The following HTR2A variants were observed in gnomAD, a reference collection of about 807,000 sequenced individuals.
HTR2A encodes the protein 5-hydroxytryptamine receptor 2A.
A neutral mutation model predicts 31.0 loss-of-function variants in HTR2A; 14 were observed. The ratio of observed to expected loss-of-function variants is 0.45; its 90% CI spans 0.30 to 0.71. The LOEUF is 0.71. HTR2A is among the 30% of genes least tolerant of loss of function. The pLI is 0.09. For synonymous variants in HTR2A, 209 were observed against 225.2 expected (o/e 0.93, Z 0.64); for missense variants, 442 against 573.3 (o/e 0.77, Z 2.34).
In HTR2A at chr13:46,896,169, A is replaced by C; in HGVS notation, c.-263T>G. Reference sequence around the variant, plus strand: ...TTTTCTCACCAAACCGAGGACAAAAAAGCAGAATGAACTTTTAGCATAGAG... The same window carrying C: ...TTTTCTCACCAAACCGAGGACAAAACAGCAGAATGAACTTTTAGCATAGAG... On this transcript the variant is annotated 5_prime_UTR_variant, in exon 2 of 4. Transcript: ENST00000542664. 8.3e-7 allele frequency: 1 copy of C among 1,206,834 alleles called. No individual in the cohort carries two copies. The highest frequency in any genetic ancestry group is 1.0e-6 in the Non-Finnish European group (1 of 972,476). The allele number at this position is 1,206,834 out of a possible 1,614,324, so 74.8% of individuals were successfully genotyped here. A position where few individuals can be genotyped will look rare whatever the true frequency, so the allele number is the denominator to read the frequency against.
chr13:46,835,276 C>G lies in HTR2A; in HGVS notation c.977G>C (p.Gly326Ala). The G allele has an allele frequency of 6.2e-7, 1 of 1,614,078 alleles. No individual in the cohort carries two copies. Among genetic ancestry groups the G allele is most frequent in the Non-Finnish European group, 8.5e-7 (1 of 1,179,998 alleles). Residue 326 changes from glycine (G) to alanine (A), a missense_variant, in exon 4 of 4, where the codon GGC (glycine) becomes GCC (alanine). Around this residue, in one of 5 missense-constraint regions of HTR2A, gnomAD observed 174 missense variants for 195.1 expected, o/e 0.89. Coordinates refer to ENST00000542664, the MANE Select transcript of HTR2A (RefSeq NM_000621.5). ...SNEQKACKVL[G>A]IVFFLFVVMW... is the part of the protein sequence containing the mutation. ...CACCACAAACAGGAAGAAGACGATGCCCAGCACCTTGCATGCCTTTTGCTC... is the reference window on the plus strand; with the variant it reads ...CACCACAAACAGGAAGAAGACGATGGCCAGCACCTTGCATGCCTTTTGCTC...
At chr13:46,866,185 G>A (rs1950816957) in intron 3 of HTR2A, among the ~76,000 whole-genome samples, 1 of 152,148 alleles carries the variant, frequency 6.6e-6, no homozygotes, top group African/African-American at 2.4e-5. Context: ...GACAATTCCT[G>A]TTTATAGGGT....
chr13:46,881,809 G>C (rs368336726), intron 3 of HTR2A, among the ~76,000 whole-genome samples: 1 of 152,272 alleles, frequency 6.6e-6, no homozygotes, highest in African/African-American at 2.4e-5. Context: ...TCAGGCTGTG[G>C]GGCTGGGAAT....
At chr13:46,845,753 G>A (rs935352498) in intron 3 of HTR2A, among the ~76,000 whole-genome samples, 1 of 151,774 alleles carries the variant, frequency 6.6e-6, no homozygotes, top group Non-Finnish European at 1.5e-5. Flanking sequence ...TCAGTCTGTT[G>A]TGAAGTTACA....
intron 3 of HTR2A, among the ~76,000 whole-genome samples, chr13:46,862,895 G>A (rs1950791138): frequency 6.6e-6 from 1 of 152,178 alleles, no homozygotes; most frequent in African/African-American, 2.4e-5. Context: ...GCACTTGACA[G>A]TCATTTCTGT....
chr13:46,888,206 A>T (rs752402947), intron 3 of HTR2A, among the ~76,000 whole-genome samples: 11 of 152,236 alleles, frequency 7.2e-5, no homozygotes, highest in Non-Finnish European at 1.5e-4. Context: ...AATATTTGAA[A>T]AGATGGTGAC....
At chr13:46,878,774 G>A (rs994265570) in intron 3 of HTR2A, among the ~76,000 whole-genome samples, 11 of 152,138 alleles carry the variant, frequency 7.2e-5, no homozygotes, top group African/African-American at 2.4e-4. Flanking sequence ...GTGCATATAT[G>A]TGTATGTATA....
rs375498960 is a variant in HTR2A at position 46,895,694 on chromosome 13, G to C, written c.213C>G (p.Leu71=). ...GTAAAGCAGACCAGTTTTTTTCCTG[G>C]AGATGAAGTAAGGAGAGACACGACG... ...LSPSCLSLLH[L]QEKNWSALLT... The change falls in exon 2 of 4, where the codon CTC becomes CTG. Residue 71 remains leucine, a synonymous_variant. Coordinates refer to ENST00000542664, the MANE Select transcript of HTR2A (RefSeq NM_000621.5). This position sits in a 1 kb window ranked among gnomAD's most constrained non-coding sequence, Gnocchi z 4.4. 1 of 1,614,072 alleles carries C rather than the reference G, an allele frequency of 6.2e-7. No individual in the cohort carries two copies. Among genetic ancestry groups the C allele is most frequent in the Non-Finnish European group, 8.5e-7 (1 of 1,179,986 alleles).
intron 3 of HTR2A, among the ~76,000 whole-genome samples, chr13:46,857,832 C>T (rs1395547287): frequency 2.0e-5 from 3 of 152,230 alleles, no homozygotes; most frequent in East Asian, 1.9e-4. Context: ...AGCCACATCT[C>T]GAAGGGCCTT....
chr13:46,834,883 G>GAACTA lies in HTR2A; in HGVS notation c.1369_1370insTAGTT (p.Ser457LeufsTer10). On this transcript the variant is annotated frameshift_variant, in exon 4 of 4. Coordinates refer to ENST00000542664, the MANE Select transcript of HTR2A (RefSeq NM_000621.5). LOFTEE classifies it high-confidence loss of function. Reference sequence around the variant, plus strand: ...ATTCACTCCGTCGCTATTGTCTTTAGAAGCCTCTTCAGAATGCTGCTTTCC... The same window carrying GAACTA: ...ATTCACTCCGTCGCTATTGTCTTTAGAACTAAAGCCTCTTCAGAATGCTGCTTTCC... 1 of 1,613,838 alleles carries GAACTA rather than the reference G, an allele frequency of 6.2e-7. No homozygotes were observed. The highest frequency in any genetic ancestry group is 8.5e-7 in the Non-Finnish European group (1 of 1,179,908).
chr13:46,834,393 A>G lies in HTR2A; in HGVS notation c.*444T>C, dbSNP rs547303666. On this transcript the variant is annotated 3_prime_UTR_variant, in exon 4 of 4. Transcript: ENST00000542664. The stretch of plus-strand genomic sequence containing the variant: ...ATATACCATAGTAAGTTTTAAAGAT[A>G]ATTTTTAAGAGGCCATTATATTCAA... The G allele has an allele frequency of 6.4e-6, 1 of 155,042 alleles. No homozygotes were observed. The highest frequency in any genetic ancestry group is 2.0e-4 in the South Asian group (1 of 4,954). 9.6% of individuals were successfully genotyped at this position (155,042 alleles called of 1,614,324 possible).
chr13:46,897,468 T>C (rs1432749181), upstream of HTR2A, among the ~76,000 whole-genome samples: 1 of 152,208 alleles, frequency 6.6e-6, no homozygotes, highest in Non-Finnish European at 1.5e-5. Context: ...GCACTATTTT[T>C]ATTTAATAGA....
chr13:46,860,512 A>T (rs933819005), intron 3 of HTR2A, among the ~76,000 whole-genome samples: 4 of 152,130 alleles, frequency 2.6e-5, no homozygotes, highest in Admixed American at 2.6e-4. Flanking sequence ...TTGAAGACAA[A>T]GTTTCATCTC....
intron 3 of HTR2A, among the ~76,000 whole-genome samples, chr13:46,837,780 G>A (rs555707545): frequency 2.0e-5 from 3 of 152,226 alleles, no homozygotes; most frequent in African/African-American, 2.4e-5. Context: ...AGGAAAGAAC[G>A]CTGAGTTGAT....
rs75153918 is a variant in HTR2A at position 46,888,189 on chromosome 13, C to T, written c.613+4201G>A. 5.2e-3 allele frequency among the ~76,000 whole-genome samples: 789 copies of T among 151,984 alleles called. 6 individuals are homozygous for T. Among genetic ancestry groups the T allele is most frequent in the African/African-American group, 0.018 (756 of 41,448 alleles). On this transcript the variant is annotated intron_variant, in intron 3 of 3. Transcript: ENST00000542664. ...GACATGAGGAAGAGAGAGAATGGGG[C>T]AGAAGCAATATTTGAAAAGATGGTG...
intron 3 of HTR2A, among the ~76,000 whole-genome samples, chr13:46,837,692 C>T (rs1055030332): frequency 6.6e-6 from 1 of 152,226 alleles, no homozygotes; most frequent in Non-Finnish European, 1.5e-5. Flanking sequence ...TCTGCATACT[C>T]AGAACAGAGT....
intron 3 of HTR2A, among the ~76,000 whole-genome samples, chr13:46,880,128 A>C (rs945246203): frequency 2.0e-5 from 3 of 152,230 alleles, no homozygotes; most frequent in Non-Finnish European, 2.9e-5. Flanking sequence ...TTTCTCCAGC[A>C]GGTCTGAGTT....
chr13:46,870,358 T>C (rs959191469), intron 3 of HTR2A, among the ~76,000 whole-genome samples: 2 of 152,160 alleles, frequency 1.3e-5, no homozygotes, highest in African/African-American at 4.8e-5. Flanking sequence ...GATTGTGGTA[T>C]ACCAATATGA....
intron 3 of HTR2A, among the ~76,000 whole-genome samples, chr13:46,860,927 T>C (rs984104484): frequency 6.6e-6 from 1 of 152,144 alleles, no homozygotes; most frequent in Admixed American, 6.6e-5. Flanking sequence ...GGGAGCTTGA[T>C]GAAAAATGAA....
Sources: gnomAD v4.1 joint callset for allele counts (sites outside exome capture counted in the v4.1 genomes callset) on GRCh38, gnomAD v4.1.1 for gene constraint, gnomAD v4.1.1 regional missense constraint, Gnocchi (gnomAD v3.1) non-coding constraint, MANE v1.5 for transcripts, NCBI Gene and HGNC (gene_info 2026-07-23, HGNC 2026-07-21) for gene names.